The following NFILZ variants were observed in gnomAD, a reference collection of about 807,000 sequenced individuals.
NFILZ encodes NFIL3 like basic leucine zipper, also known as NFIL3 like protein.
At chr19:8,671,157 C>T (rs558161263) in intron 3 of NFILZ, among the ~76,000 whole-genome samples, 7 of 152,224 alleles carry the variant, frequency 4.6e-5, no homozygotes, top group South Asian at 2.1e-4. Flanking sequence ...AAGGCAGCTG[C>T]GGAGGCTGCT....
At chr19:8,653,357 A>G (rs2042978142) in intron 3 of NFILZ, among the ~76,000 whole-genome samples, 1 of 152,122 alleles carries the variant, frequency 6.6e-6, no homozygotes. Flanking sequence ...CTGAGATTAC[A>G]GGCATGAGCT....
At position 8,677,958 on chromosome 19, in the gene NFILZ, A is replaced by C. The variant is rs1555750862; in HGVS notation, c.*323A>C. ...GCCATCCATTCATCCATTCATCCTCATTTATTCATCCATTCATTCATTCAT... is the reference window on the plus strand; with the variant it reads ...GCCATCCATTCATCCATTCATCCTCCTTTATTCATCCATTCATTCATTCAT... On this transcript the variant is annotated 3_prime_UTR_variant, in exon 6 of 6. Transcript: ENST00000691075. 4.6e-5 allele frequency among the ~76,000 whole-genome samples: 7 copies of C among 150,890 alleles called. No homozygotes were observed. The highest frequency in any genetic ancestry group is 4.6e-4 in the Admixed American group (7 of 15,134).
chr19:8,660,644 T>G (rs1490458681), intron 3 of NFILZ, among the ~76,000 whole-genome samples: 1 of 143,292 alleles, frequency 7.0e-6, no homozygotes, highest in Non-Finnish European at 1.5e-5. Context: ...CCCTTACTTT[T>G]TTTTTTTTTT....
chr19:8,665,034 A>C (rs1482080539), intron 3 of NFILZ, among the ~76,000 whole-genome samples: 1 of 152,004 alleles, frequency 6.6e-6, no homozygotes, highest in Non-Finnish European at 1.5e-5. Flanking sequence ...GACCACACGG[A>C]GCACACCCCC....
At chr19:8,664,222 C>G (rs782743420) in intron 3 of NFILZ, among the ~76,000 whole-genome samples, 2 of 152,202 alleles carry the variant, frequency 1.3e-5, no homozygotes, top group Non-Finnish European at 2.9e-5. Context: ...GTTACCTGTT[C>G]AGCCTTTGCT....
chr19:8,641,829 CTTT>C (rs3040050), intron 3 of NFILZ, among the ~76,000 whole-genome samples: 9,134 of 147,828 alleles, frequency 0.062, 329 homozygotes, highest in Middle Eastern at 0.16. Context: ...TAAATGATAG[CTTT>C]TTTTTTTTTT....
At chr19:8,660,544 T>TTTCCTTCCTTCC (rs1568422582) in intron 3 of NFILZ, among the ~76,000 whole-genome samples, 1 of 151,066 alleles carries the variant, frequency 6.6e-6, no homozygotes, top group African/African-American at 2.4e-5. Flanking sequence ...TCCTTCCTTC[T>TTTCCTTCCTTCC]TTCCTTCTCT....
intron 3 of NFILZ, among the ~76,000 whole-genome samples, chr19:8,650,918 A>T (rs1162684226): frequency 1.3e-5 from 2 of 152,158 alleles, no homozygotes; most frequent in African/African-American, 4.8e-5. Flanking sequence ...ATTCAGAGAA[A>T]TTCCCATGTA....
At chr19:8,663,935 C>T (rs2043049720) in intron 3 of NFILZ, among the ~76,000 whole-genome samples, 1 of 151,970 alleles carries the variant, frequency 6.6e-6, no homozygotes, top group African/African-American at 2.4e-5. Context: ...TGCCTCTGAG[C>T]TTCCTTCCTT....
Position 8,674,990 on chromosome 19 carries a change from A to G in NFILZ, c.-114+390A>G, listed in dbSNP as rs190632811. 3.5e-3 allele frequency among the ~76,000 whole-genome samples: 532 copies of G among 152,320 alleles called. 4 individuals carry two copies. The highest frequency in any genetic ancestry group is 5.9e-3 in the Non-Finnish European group (403 of 68,026). ...ATGGTTTCTTGGGTGGGAGTTCAGC[A>G]AGGGGGTTAAATGCTCTCCAGCTGT... On this transcript the variant is annotated intron_variant, in intron 4 of 5. Transcript: ENST00000691075.
At chr19:8,661,494 C>A (rs1490507722) in intron 3 of NFILZ, among the ~76,000 whole-genome samples, 1 of 152,118 alleles carries the variant, frequency 6.6e-6, no homozygotes, top group Non-Finnish European at 1.5e-5. Flanking sequence ...AGTGTATGAG[C>A]TGATGGGTTT....
At chr19:8,648,297 G>A (rs965147070) in intron 3 of NFILZ, among the ~76,000 whole-genome samples, 13 of 151,614 alleles carry the variant, frequency 8.6e-5, no homozygotes, top group Admixed American at 5.3e-4. Context: ...TGCACGTCTC[G>A]CACATGTACC....
intron 3 of NFILZ, among the ~76,000 whole-genome samples, chr19:8,662,700 G>A (rs1378735899): frequency 2.0e-5 from 3 of 149,958 alleles, no homozygotes. Context: ...GCAGTGACAC[G>A]ATCTTGGCTC....
intron 4 of NFILZ, among the ~76,000 whole-genome samples, chr19:8,675,471 G>A (rs1453881600): frequency 6.6e-6 from 1 of 152,180 alleles, no homozygotes; most frequent in Non-Finnish European, 1.5e-5. Flanking sequence ...CTCCACCCTA[G>A]GGGTTGGGAA....
chr19:8,656,979 G>T (rs2043006968), intron 3 of NFILZ, among the ~76,000 whole-genome samples: 1 of 152,062 alleles, frequency 6.6e-6, no homozygotes, highest in South Asian at 2.1e-4. Flanking sequence ...GGTTGTCTGT[G>T]GTTGGCGTTT....
intron 3 of NFILZ, among the ~76,000 whole-genome samples, chr19:8,648,316 TA>T (rs1163361246): frequency 2.0e-5 from 3 of 151,722 alleles, no homozygotes; most frequent in Non-Finnish European, 4.4e-5. Flanking sequence ...CCCTGGAACT[TA>T]AAAAAATAAA....
intron 4 of NFILZ, among the ~76,000 whole-genome samples, chr19:8,675,175 A>G (rs912370542): frequency 1.3e-5 from 2 of 152,230 alleles, no homozygotes; most frequent in African/African-American, 4.8e-5. Flanking sequence ...GATGACAGTC[A>G]TCGGTTTTCA....
At chr19:8,653,853 G>T (rs782061092) in intron 3 of NFILZ, among the ~76,000 whole-genome samples, 4 of 152,152 alleles carry the variant, frequency 2.6e-5, no homozygotes, top group Non-Finnish European at 5.9e-5. Context: ...GGGATAAAAG[G>T]CTACATGTTG....
intron 3 of NFILZ, among the ~76,000 whole-genome samples, chr19:8,663,752 G>GTATGTGTGTGTATGTGTGTA (rs1568423392): frequency 1.6e-5 from 2 of 127,824 alleles, no homozygotes; most frequent in African/African-American, 5.2e-5. Flanking sequence ...GTGTGTGTGT[G>GTATGTGTGTGTATGTGTGTA]TGTGTGTGTG....
Sources: gnomAD v4.1 joint callset for allele counts (sites outside exome capture counted in the v4.1 genomes callset) on GRCh38, gnomAD v4.1.1 for gene constraint, MANE v1.5 for transcripts, NCBI Gene and HGNC (gene_info 2026-07-23, HGNC 2026-07-21) for gene names.